The following PLD5 variants were observed in gnomAD, a reference collection of about 807,000 sequenced individuals.
The protein encoded by PLD5 is inactive phospholipase D5.
PLD5 carries 36 observed loss-of-function variants against 61.1 expected under a neutral mutation model. The ratio of observed to expected loss-of-function variants is 0.59; its 90% CI spans 0.45 to 0.78. The LOEUF (loss-of-function observed/expected upper bound fraction) is 0.78, where lower values mean the gene tolerates loss of function less well. Among genes scored for constraint, PLD5 ranks in the 30% least tolerant of loss-of-function variants. PLD5 has a pLI of 0.00. For synonymous variants in PLD5, 243 were observed against 242.8 expected (o/e 1.00, Z -0.01); for missense variants, 515 against 644.4 (o/e 0.80, Z 2.17).
chr1:242,285,504 A>T (rs1016257888), intron 3 of PLD5, among the ~76,000 whole-genome samples: 1 of 152,074 alleles, frequency 6.6e-6, no homozygotes, highest in African/African-American at 2.4e-5. Flanking sequence ...TCTCAAAAAA[A>T]TTAATAAGTA....
intron 1 of PLD5, among the ~76,000 whole-genome samples, chr1:242,517,324 T>C (rs1393745347): frequency 6.6e-6 from 1 of 152,232 alleles, no homozygotes; most frequent in Non-Finnish European, 1.5e-5. Flanking sequence ...TGATTCTTTT[T>C]AAAGAAATGG....
intron 5 of PLD5, among the ~76,000 whole-genome samples, chr1:242,212,652 G>C (rs1669905030): frequency 6.6e-6 from 1 of 152,220 alleles, no homozygotes; most frequent in Non-Finnish European, 1.5e-5. Context: ...AAGCAGCACA[G>C]ACAAAGCACA....
At chr1:242,188,243 G>A (rs1668030508) in intron 5 of PLD5, among the ~76,000 whole-genome samples, 1 of 152,160 alleles carries the variant, frequency 6.6e-6, no homozygotes, top group Admixed American at 6.5e-5. Flanking sequence ...TTGAGATGAA[G>A]TGGCTGAAGA....
At chr1:242,514,382 A>T (rs1669033294) in intron 1 of PLD5, among the ~76,000 whole-genome samples, 1 of 152,158 alleles carries the variant, frequency 6.6e-6, no homozygotes, top group South Asian at 2.1e-4. Flanking sequence ...CTTCCTTGAT[A>T]TCCTTCTCTG....
At chr1:242,160,014 T>C in intron 5 of PLD5, among the ~76,000 whole-genome samples, 1 of 151,580 alleles carries the variant, frequency 6.6e-6, no homozygotes, top group East Asian at 2.0e-4. Context: ...TTTTTCCCTT[T>C]TATTTTTTTT....
chr1:242,487,920 T>C (rs929935102), intron 1 of PLD5, among the ~76,000 whole-genome samples: 1 of 152,218 alleles, frequency 6.6e-6, no homozygotes, highest in African/African-American at 2.4e-5. Flanking sequence ...CATGTATGTA[T>C]ATCATTTTTG....
chr1:242,165,451 G>GAAA (rs1558294772), intron 5 of PLD5, among the ~76,000 whole-genome samples: 16 of 70,924 alleles, frequency 2.3e-4, no homozygotes, highest in South Asian at 2.1e-3. Flanking sequence ...GGCTTTAAAG[G>GAAA]GAAAAAAAAA....
At chr1:242,159,333 T>C (rs1665645506) in intron 5 of PLD5, among the ~76,000 whole-genome samples, 1 of 152,180 alleles carries the variant, frequency 6.6e-6, no homozygotes, top group Non-Finnish European at 1.5e-5. Context: ...AGTGTTGACC[T>C]TGTGTTTAGG....
Position 242,089,750 on chromosome 1 carries a change from CT to C in PLD5, c.*103del, listed in dbSNP as rs1659668586. On this transcript the variant is annotated 3_prime_UTR_variant, in exon 10 of 10. Coordinates refer to ENST00000536534, the MANE Select transcript of PLD5 (RefSeq NM_001372062.1). The stretch of plus-strand genomic sequence containing the variant: ...TCAGAGAATATTTTTTATAAGTGTG[CT>C]TTTTCCCTAAAAAAAGAGACATATT... 7.0e-7 allele frequency: 1 copy of C among 1,429,616 alleles called. No individual in the cohort carries two copies. Among genetic ancestry groups the C allele is most frequent in the Non-Finnish European group, 9.6e-7 (1 of 1,038,818 alleles). 88.6% of individuals were successfully genotyped at this position (1,429,616 alleles called of 1,614,324 possible). A position where few individuals can be genotyped will look rare whatever the true frequency, so the allele number is the denominator to read the frequency against.
At chr1:242,490,630 G>A (rs1668117124) in intron 1 of PLD5, among the ~76,000 whole-genome samples, 1 of 152,004 alleles carries the variant, frequency 6.6e-6, no homozygotes, top group African/African-American at 2.4e-5. Flanking sequence ...CTGAATATTG[G>A]GGCTACATGG....
At chr1:242,109,709 T>C (rs549773211) in intron 7 of PLD5, among the ~76,000 whole-genome samples, 2 of 149,224 alleles carry the variant, frequency 1.3e-5, no homozygotes, top group Admixed American at 1.3e-4. Context: ...TTCCTCATTA[T>C]TTTTTTTCAA....
At chr1:242,431,695 C>T (rs1479109506) in intron 1 of PLD5, among the ~76,000 whole-genome samples, 1 of 152,184 alleles carries the variant, frequency 6.6e-6, no homozygotes, top group East Asian at 1.9e-4. Context: ...ATTTAAGTCA[C>T]ATATATGTGA....
Position 242,422,593 on chromosome 1 carries a change from A to G in PLD5, c.190-74351T>C, listed in dbSNP as rs186385918. ...AGGAAAAATGGAGTTGAATTTTTCC[A>G]CAAGTTACATTACACTCTGGGAAAT... On this transcript the variant is annotated intron_variant, in intron 1 of 9. Coordinates refer to ENST00000536534, the MANE Select transcript of PLD5 (RefSeq NM_001372062.1). Among the ~76,000 whole-genome samples, 4 of 152,290 alleles carry G rather than the reference A, an allele frequency of 2.6e-5. No individual in the cohort carries two copies. The East Asian group carries it at 7.7e-4, about 29-fold the overall frequency.
At chr1:242,091,819 CTTTTCTTT>C (rs1176491858) in intron 9 of PLD5, among the ~76,000 whole-genome samples, 3 of 109,746 alleles carry the variant, frequency 2.7e-5, no homozygotes, top group East Asian at 2.2e-4. Context: ...TTTTTCTTTT[CTTTTCTTT>C]TTTTCTTTTT....
chr1:242,452,727 G>T (rs1434736669), intron 1 of PLD5, among the ~76,000 whole-genome samples: 2 of 152,154 alleles, frequency 1.3e-5, no homozygotes, highest in African/African-American at 4.8e-5. Flanking sequence ...GAGATGGGCA[G>T]ATGGCTTGAG....
At chr1:242,223,575 T>C (rs1440683604) in intron 4 of PLD5, among the ~76,000 whole-genome samples, 1 of 152,228 alleles carries the variant, frequency 6.6e-6, no homozygotes, top group Admixed American at 6.5e-5. Context: ...ATTGAATACC[T>C]GTGTGCCCAG....
intron 5 of PLD5, among the ~76,000 whole-genome samples, chr1:242,135,062 TG>T (rs1278865142): frequency 1.3e-5 from 2 of 152,212 alleles, no homozygotes; most frequent in Non-Finnish European, 2.9e-5. Flanking sequence ...CTTTTGTGTT[TG>T]TAACTGACAA....
At chr1:242,119,256 G>GT (rs1245068267) in intron 6 of PLD5, among the ~76,000 whole-genome samples, 1 of 151,946 alleles carries the variant, frequency 6.6e-6, no homozygotes, top group African/African-American at 2.4e-5. Context: ...CAGTTTCATG[G>GT]TTTTAAAAAA....
Position 242,459,404 on chromosome 1 carries a change from G to A in PLD5, c.189+64684C>T, listed in dbSNP as rs913915941. 4.6e-5 allele frequency among the ~76,000 whole-genome samples: 7 copies of A among 152,154 alleles called. No homozygotes were observed. In the East Asian group the frequency reaches 1.3e-3, roughly 29 times the overall value. ...ATCTAATCTTAACCCCATTCAATGGGTAAAATCTTTGGGAGGATCCACTAT... is the reference window on the plus strand; with the variant it reads ...ATCTAATCTTAACCCCATTCAATGGATAAAATCTTTGGGAGGATCCACTAT... On this transcript the variant is annotated intron_variant, in intron 1 of 9. Transcript: ENST00000536534.
Sources: allele counts gnomAD v4.1 joint callset (sites outside exome capture counted in the v4.1 genomes callset), GRCh38; gene constraint gnomAD v4.1.1; transcripts MANE v1.5; gene names NCBI Gene and HGNC (gene_info 2026-07-23, HGNC 2026-07-21).